The following PFKP variants were observed in gnomAD, a reference collection of about 807,000 sequenced individuals.
PFKP encodes phosphofructokinase, platelet, also known as ATP-dependent 6-phosphofructokinase, platelet type.
In PFKP, 101 loss-of-function variants were observed where a neutral mutation model predicts 94.3. The observed-to-expected ratio is 1.07, with a 90% CI of 0.91 to 1.26. The LOEUF is 1.26. Among genes scored for constraint, PFKP ranks in the 50% most tolerant of loss-of-function variants. The probability of loss-of-function intolerance (pLI) is 0.00; values close to 1 mark genes in which losing one functional copy is unlikely to be tolerated. For synonymous variants in PFKP, 573 were observed against 432.6 expected (o/e 1.32, Z -4.03); for missense variants, 1,145 against 1,103.3 (o/e 1.04, Z -0.53).
rs767836111 is a variant in PFKP, at chr10:3,129,948, A to G, written c.1813A>G (p.Ile605Val). Residue 605 changes from isoleucine to valine, a missense_variant, in exon 17 of 22, where the codon ATT becomes GTT. Coordinates refer to ENST00000381125, the MANE Select transcript of PFKP (RefSeq NM_002627.5). ...GLAAGADAAYIFEEPFDIRDL... is the reference protein window; with the variant it reads ...GLAAGADAAYVFEEPFDIRDL... ...CGCGGCCGGAGCTGATGCCGCATAC[A>G]TTTTCGAAGAGCCCTTCGACATCAG... is the stretch of plus-strand genomic sequence containing the variant. 16 of 1,600,398 alleles carry G rather than the reference A, an allele frequency of 1.0e-5. No homozygotes were observed. Among genetic ancestry groups the G allele is most frequent in the Non-Finnish European group, 1.4e-5 (16 of 1,172,384 alleles).
At chr10:3,115,788 G>T (rs985909361) in intron 13 of PFKP, among the ~76,000 whole-genome samples, 1 of 152,168 alleles carries the variant, frequency 6.6e-6, no homozygotes, top group Non-Finnish European at 1.5e-5. Context: ...ATTCCTCAGG[G>T]CGCCATTGTT....
At chr10:3,105,826 C>T (rs1290119042) in intron 7 of PFKP, among the ~76,000 whole-genome samples, 1 of 152,194 alleles carries the variant, frequency 6.6e-6, no homozygotes, top group African/African-American at 2.4e-5. Context: ...CTATCATTTT[C>T]TATGGGTGGG....
intron 2 of PFKP, among the ~76,000 whole-genome samples, chr10:3,089,648 ATT>A (rs1273037146): frequency 1.3e-5 from 2 of 150,012 alleles, no homozygotes; most frequent in Non-Finnish European, 3.0e-5. Context: ...TTGAATATAT[ATT>A]ATGTATATAT....
intron 1 of PFKP, among the ~76,000 whole-genome samples, chr10:3,081,905 G>T (rs1346861122): frequency 6.9e-6 from 1 of 143,958 alleles, no homozygotes; most frequent in African/African-American, 2.6e-5. Flanking sequence ...ATGGTTATTT[G>T]TAATATGCTG....
At position 3,080,499 on chromosome 10, in the gene PFKP, A is replaced by G. The variant is rs191856597; in HGVS notation, c.113-1889A>G. ...ACCACTGCACTCCAGCCTGGGAGACAGAGCGAGACTCCGTCTCAAAAAAAA... is the reference window on the plus strand; with the variant it reads ...ACCACTGCACTCCAGCCTGGGAGACGGAGCGAGACTCCGTCTCAAAAAAAA... On this transcript the variant is annotated intron_variant, in intron 1 of 21. Transcript: ENST00000381125. Among the ~76,000 whole-genome samples, 517 of 141,952 alleles carry G rather than the reference A, an allele frequency of 3.6e-3. 2 individuals are homozygous for G. The highest frequency in any genetic ancestry group is 0.013 in the African/African-American group (499 of 36,978). The allele number at this position is 141,952 out of a possible 152,430, so 93.1% of individuals were successfully genotyped here. A position where few individuals can be genotyped will look rare whatever the true frequency, so the allele number is the denominator to read the frequency against.
chr10:3,109,262 A>G, intron 9 of PFKP, 93 bp from the exon 10 acceptor site: 9 of 1,539,208 alleles, frequency 5.8e-6, no homozygotes, highest in Non-Finnish European at 8.0e-6. Flanking sequence ...TGAGCACCTG[A>G]CTGAGGTCAT....
intron 14 of PFKP, among the ~76,000 whole-genome samples, chr10:3,117,380 G>C (rs1564331093): frequency 2.0e-5 from 3 of 152,210 alleles, no homozygotes; most frequent in Non-Finnish European, 2.9e-5. Context: ...TCCTAATGTA[G>C]ATGAAGCCTG....
chr10:3,108,667 C>T (rs746138675), intron 8 of PFKP, 34 bp from the exon 9 acceptor site: 2 of 1,543,900 alleles, frequency 1.3e-6, no homozygotes, highest in Non-Finnish European at 1.8e-6. Context: ...GTCCGCATCA[C>T]AGTTCCGCAT....
intron 7 of PFKP, among the ~76,000 whole-genome samples, chr10:3,106,533 G>A (rs1034898247): frequency 3.3e-5 from 5 of 150,884 alleles, no homozygotes; most frequent in South Asian, 2.1e-4. Flanking sequence ...CGGTGGTGAT[G>A]TGAGCTCCCA....
intron 2 of PFKP, among the ~76,000 whole-genome samples, chr10:3,087,571 G>A (rs928218097): frequency 3.9e-5 from 6 of 152,338 alleles, no homozygotes; most frequent in African/African-American, 7.2e-5. Flanking sequence ...TAATTTTTAT[G>A]ATAACTTTTA....
At chr10:3,126,851 T>G (rs1838001714) in intron 16 of PFKP, among the ~76,000 whole-genome samples, 1 of 152,260 alleles carries the variant, frequency 6.6e-6, no homozygotes, top group Admixed American at 6.5e-5. Context: ...GGATCGCCTC[T>G]GCGTCCTTGC....
At chr10:3,067,858 G>A in intron 1 of PFKP, 151 bp downstream of exon 1, 1 of 473,382 alleles carries the variant, frequency 2.1e-6, no homozygotes, top group Non-Finnish European at 3.7e-6. Flanking sequence ...GAACCGGGGA[G>A]AAGAGCGGGG....
chr10:3,135,388 T>C (rs186641255), intron 20 of PFKP, among the ~76,000 whole-genome samples: 1 of 152,344 alleles, frequency 6.6e-6, no homozygotes, highest in East Asian at 1.9e-4. Flanking sequence ...TTTGCTAATT[T>C]AGCTATGGAT....
At chr10:3,113,880 A>G (rs965127297) in intron 13 of PFKP, among the ~76,000 whole-genome samples, 1 of 152,204 alleles carries the variant, frequency 6.6e-6, no homozygotes, top group African/African-American at 2.4e-5. Context: ...TCTGGTGTGC[A>G]CAAGCACCCA....
intron 1 of PFKP, among the ~76,000 whole-genome samples, chr10:3,081,828 C>T (rs1833102298): frequency 6.6e-6 from 1 of 152,132 alleles, no homozygotes; most frequent in Non-Finnish European, 1.5e-5. Flanking sequence ...TGTAAACAGA[C>T]TTATATGATG....
intron 1 of PFKP, among the ~76,000 whole-genome samples, chr10:3,075,904 CA>C (rs577636701): frequency 0.23 from 16,005 of 70,252 alleles, 1,206 homozygotes; most frequent in East Asian, 0.35. Context: ...GACCCTATCG[CA>C]AAAAAAAAAA....
chr10:3,071,417 G>T, intron 1 of PFKP, among the ~76,000 whole-genome samples: 2 of 125,002 alleles, frequency 1.6e-5, no homozygotes, highest in Admixed American at 8.2e-5. Flanking sequence ...GATATCTTCT[G>T]TCTCAGGCTG....
rs35306351 is a variant in PFKP, at chr10:3,077,249, C to CTTTTTTTTT, written c.113-5136_113-5128dup. Among the ~76,000 whole-genome samples, 69 of 108,172 alleles carry CTTTTTTTTT rather than the reference C, an allele frequency of 6.4e-4. 1 individual carries two copies. Among genetic ancestry groups the CTTTTTTTTT allele is most frequent in the Non-Finnish European group, 1.0e-3 (56 of 55,018 alleles). 71.0% of individuals were successfully genotyped at this position (108,172 alleles called of 152,430 possible). ...TTCATTAGAGTTCATCTATTCTTTACTTTTTTTTTTTCTTTTTTTTTTTTT... is the reference window on the plus strand; with the variant it reads ...TTCATTAGAGTTCATCTATTCTTTACTTTTTTTTTTTTTTTTTTTTCTTTTTTTTTTTTT... On this transcript the variant is annotated intron_variant, in intron 1 of 21. Transcript: ENST00000381125.
intron 17 of PFKP, 45 bp from the exon 18 acceptor site, chr10:3,132,335 C>T (rs1178144650): frequency 1.4e-6 from 2 of 1,387,716 alleles, no homozygotes; most frequent in Non-Finnish European, 2.1e-6. Context: ...ACAGTAGGTA[C>T]TTAGTAGAAG....
Sources: gnomAD v4.1 joint callset for allele counts (sites outside exome capture counted in the v4.1 genomes callset) on GRCh38, gnomAD v4.1.1 for gene constraint, MANE v1.5 for transcripts, NCBI Gene and HGNC (gene_info 2026-07-23, HGNC 2026-07-21) for gene names.